MSL2: variants seen among roughly 807,000 people sequenced by gnomAD.
MSL2 encodes MSL complex subunit 2.
In MSL2, 2 loss-of-function variants were observed where a neutral mutation model predicts 35.8. The observed-to-expected ratio is 0.06, with a 90% CI of 0.02 to 0.18. The LOEUF (loss-of-function observed/expected upper bound fraction) is 0.18. MSL2 is among the 10% of genes least tolerant of loss of function. MSL2 has a pLI of 1.00. For missense variants in MSL2, 523 were observed against 706.7 expected (o/e 0.74, Z 2.95); for synonymous variants, 296 against 255.7 (o/e 1.16, Z -1.50).
At chr3:136,181,776 G>A (rs752618238) in intron 1 of MSL2, among the ~76,000 whole-genome samples, 13 of 151,820 alleles carry the variant, frequency 8.6e-5, no homozygotes, top group Non-Finnish European at 1.6e-4. Context: ...AAAACTAGCC[G>A]GGCGTGGTGG....
chr3:136,184,935 T>C (rs1039907510), intron 1 of MSL2, among the ~76,000 whole-genome samples: 4 of 152,260 alleles, frequency 2.6e-5, no homozygotes, highest in South Asian at 4.1e-4. Context: ...GCCTAAAAAT[T>C]TGGATTTTTA....
At position 136,152,205 on chromosome 3, in the gene MSL2, T is replaced by C; in HGVS notation, c.676A>G (p.Ile226Val). ...CTGTCAGACAGATCCTCAGTTTTTA[T>C]GTCAACAGTATTACATACGTCAATC... ...NTIDVCNTVD[I>V]KTEDLSDSLP... The change falls in exon 2 of 2, where the codon ATA becomes GTA. Residue 226 changes from isoleucine to valine, a missense_variant. Physicochemically the swap from Ile to Val is conservative, Grantham distance 29 (BLOSUM62 3). This residue lies in a region of MSL2 where 361 missense variants were observed against 414.6 expected (regional missense o/e 0.87). Coordinates refer to ENST00000309993, the MANE Select transcript of MSL2 (RefSeq NM_018133.4). 6.2e-7 allele frequency: 1 copy of C among 1,614,198 alleles called. No individual in the cohort carries two copies. The highest frequency in any genetic ancestry group is 8.5e-7 in the Non-Finnish European group (1 of 1,180,002).
At chr3:136,177,397 G>A (rs1018468260) in intron 1 of MSL2, among the ~76,000 whole-genome samples, 4 of 152,092 alleles carry the variant, frequency 2.6e-5, no homozygotes, top group Non-Finnish European at 4.4e-5. Context: ...GCTACAGGCC[G>A]GGCACGGTGG....
rs1939306861 is a variant in MSL2, at chr3:136,150,051, C to T, written c.*1096G>A. 1 of 152,590 alleles carries T rather than the reference C, an allele frequency of 6.6e-6. No homozygotes were observed. The highest frequency in any genetic ancestry group is 1.5e-5 in the Non-Finnish European group (1 of 68,022). The allele number at this position is 152,590 out of a possible 1,614,324, so 9.5% of individuals were successfully genotyped here. A position where few individuals can be genotyped will look rare whatever the true frequency, so the allele number is the denominator to read the frequency against. ...CGGAAGAAGTGCATTTAAACTGAAA[C>T]ATACTTTGTGCTTTACATGCAAAAG... On this transcript the variant is annotated 3_prime_UTR_variant, in exon 2 of 2. Coordinates refer to ENST00000309993, the MANE Select transcript of MSL2 (RefSeq NM_018133.4).
At chr3:136,164,014 CTAATACAATGCAT>C (rs1307704200) in intron 1 of MSL2, among the ~76,000 whole-genome samples, 1 of 152,106 alleles carries the variant, frequency 6.6e-6, no homozygotes, top group African/African-American at 2.4e-5. Context: ...TGAAAACAGA[CTAATACAATGCAT>C]AAATGCAATG....
intron 1 of MSL2, among the ~76,000 whole-genome samples, chr3:136,191,729 C>CA (rs1261418086): frequency 5.3e-5 from 8 of 152,144 alleles, no homozygotes; most frequent in Non-Finnish European, 1.2e-4. Context: ...GCTAGGATCG[C>CA]ACCACTGCAC....
At chr3:136,180,593 G>A (rs1304633703) in intron 1 of MSL2, among the ~76,000 whole-genome samples, 4 of 151,182 alleles carry the variant, frequency 2.6e-5, no homozygotes, top group South Asian at 2.1e-4. Context: ...CCAGCTACTC[G>A]GGAGGCTGAG....
intron 1 of MSL2, among the ~76,000 whole-genome samples, chr3:136,183,431 G>T (rs1054523901): frequency 6.6e-6 from 1 of 150,714 alleles, no homozygotes; most frequent in Non-Finnish European, 1.5e-5. Context: ...TTGTTTTTTG[G>T]TTTTTTTTTG....
intron 1 of MSL2, among the ~76,000 whole-genome samples, chr3:136,156,330 G>A (rs1324195165): frequency 6.6e-6 from 1 of 152,204 alleles, no homozygotes; most frequent in Non-Finnish European, 1.5e-5. Context: ...TCTGCATGTG[G>A]AAGGAAATGG....
rs1939272751 is a variant in MSL2, at chr3:136,149,368, A to G, written c.*1779T>C. 6.6e-6 allele frequency: 1 copy of G among 152,582 alleles called. No homozygotes were observed. The highest frequency in any genetic ancestry group is 2.4e-5 in the African/African-American group (1 of 41,448). 9.5% of individuals were successfully genotyped at this position (152,582 alleles called of 1,614,324 possible). A position where few individuals can be genotyped will look rare whatever the true frequency, so the allele number is the denominator to read the frequency against. On this transcript the variant is annotated 3_prime_UTR_variant, in exon 2 of 2. Coordinates refer to ENST00000309993, the MANE Select transcript of MSL2 (RefSeq NM_018133.4). ...CAAACGTTAGGTAAATACACGTTTC[A>G]TAAGACACTGCTAACACTTAAAGGA...
chr3:136,152,294 G>A lies in MSL2; in HGVS notation c.587C>T (p.Thr196Ile). The A allele has an allele frequency of 6.2e-7, 1 of 1,614,010 alleles. No individual in the cohort carries two copies. Among genetic ancestry groups the A allele is most frequent in the South Asian group, 1.1e-5 (1 of 91,086 alleles). Residue 196 changes from threonine to isoleucine, a missense_variant, in exon 2 of 2, where the codon ACT (threonine) becomes ATT (isoleucine). Thr to Ile is a moderately conservative substitution (Grantham distance 89). Transcript: ENST00000309993. ...IGSSVINGLP[T>I]YNGLSIDRFG... is the part of the protein sequence containing the mutation. ...TCTATCTATTGAAAGCCCATTATAA[G>A]TAGGCAAACCATTGATAACAGAACT...
intron 1 of MSL2, among the ~76,000 whole-genome samples, chr3:136,182,678 T>C (rs1408596748): frequency 6.7e-6 from 1 of 148,964 alleles, no homozygotes; most frequent in Admixed American, 6.7e-5. Flanking sequence ...AGCGCACCAC[T>C]GCACTCCAGC....
intron 1 of MSL2, among the ~76,000 whole-genome samples, chr3:136,154,177 C>T (rs983793756): frequency 8.6e-5 from 13 of 151,384 alleles, no homozygotes; most frequent in Admixed American, 7.9e-4. Flanking sequence ...AACTCAAATT[C>T]TTCTAGAAAA....
At chr3:136,182,674 C>T (rs761181018) in intron 1 of MSL2, among the ~76,000 whole-genome samples, 23 of 151,592 alleles carry the variant, frequency 1.5e-4, no homozygotes, top group Non-Finnish European at 2.6e-4. Context: ...GTCCAGCGCA[C>T]CACTGCACTC....
chr3:136,195,105 G>A lies in MSL2; in HGVS notation c.9C>T (p.Pro3=), dbSNP rs752029292. The change falls in exon 1 of 2, where the codon CCC becomes CCT. Residue 3 remains proline, a synonymous_variant. Coordinates refer to ENST00000309993, the MANE Select transcript of MSL2 (RefSeq NM_018133.4). MN[P]VNATALYISA... is the part of the protein sequence containing the mutation. ...AAATGTAGAGAGCAGTAGCATTCAC[G>A]GGGTTCATTGCAGACACTTCGACAC... The A allele has an allele frequency of 1.9e-6, 3 of 1,610,210 alleles. No individual in the cohort carries two copies. Among genetic ancestry groups the A allele is most frequent in the Non-Finnish European group, 1.7e-6 (2 of 1,178,854 alleles).
chr3:136,152,182 G>A lies in MSL2; in HGVS notation c.699C>T (p.Asp233=). The A allele has an allele frequency of 2.5e-6, 4 of 1,614,162 alleles. No individual in the cohort carries two copies. Among genetic ancestry groups the A allele is most frequent in the Non-Finnish European group, 3.4e-6 (4 of 1,179,992 alleles). ...TVDIKTEDLS[D]SLPPVCDTVA... Reference sequence around the variant, plus strand: ...CTGTGTCACAAACGGGTGGCAGGCTGTCAGACAGATCCTCAGTTTTTATGT... The same window carrying A: ...CTGTGTCACAAACGGGTGGCAGGCTATCAGACAGATCCTCAGTTTTTATGT... The change falls in exon 2 of 2, where the codon GAC becomes GAT. Residue 233 remains aspartate, a synonymous_variant. Coordinates refer to ENST00000309993, the MANE Select transcript of MSL2 (RefSeq NM_018133.4).
intron 1 of MSL2, among the ~76,000 whole-genome samples, chr3:136,186,043 G>C (rs570877556): frequency 6.6e-6 from 1 of 151,984 alleles, no homozygotes; most frequent in East Asian, 1.9e-4. Context: ...CAACCATATC[G>C]CTAAAAATCC....
chr3:136,172,601 C>A (rs575941508), intron 1 of MSL2, among the ~76,000 whole-genome samples: 1 of 152,238 alleles, frequency 6.6e-6, no homozygotes, highest in South Asian at 2.1e-4. Context: ...ACACTGTCTC[C>A]GTCATCTCCT....
intron 1 of MSL2, among the ~76,000 whole-genome samples, chr3:136,188,244 G>T (rs1193238247): frequency 6.6e-6 from 1 of 152,090 alleles, no homozygotes; most frequent in Non-Finnish European, 1.5e-5. Flanking sequence ...GACCATCCTG[G>T]CCAACATGGT....
Sources: gnomAD v4.1 joint callset for allele counts (sites outside exome capture counted in the v4.1 genomes callset) on GRCh38, gnomAD v4.1.1 for gene constraint, gnomAD v4.1.1 regional missense constraint, MANE v1.5 for transcripts, NCBI Gene and HGNC (gene_info 2026-07-23, HGNC 2026-07-21) for gene names.